Variants in FBXO34 observed in about 807,000 individuals in gnomAD.
FBXO34 encodes the protein F-box protein 34.
Under a neutral mutation model 24.5 loss-of-function variants are expected in FBXO34, and 12 were observed. The observed-to-expected ratio is 0.49, with a 90% CI of 0.31 to 0.79. The LOEUF (loss-of-function observed/expected upper bound fraction) is 0.79, where lower values mean the gene tolerates loss of function less well. Ranked by LOEUF, FBXO34 falls within the 30% of genes least tolerant of loss-of-function variation. The probability of loss-of-function intolerance (pLI) is 0.04; values close to 1 mark genes in which losing one functional copy is unlikely to be tolerated. For synonymous variants in FBXO34, 320 were observed against 311.9 expected (o/e 1.03, Z -0.27); for missense variants, 823 against 857.7 (o/e 0.96, Z 0.51).
At chr14:55,303,610 T>A (rs915100658) in intron 1 of FBXO34, among the ~76,000 whole-genome samples, 16 of 151,282 alleles carry the variant, frequency 1.1e-4, no homozygotes, top group Non-Finnish European at 8.8e-5. Flanking sequence ...TTTTTTTTTT[T>A]AATAGTTGTA....
At chr14:55,271,721 C>T (rs1452170738) in intron 1 of FBXO34, among the ~76,000 whole-genome samples, 184 bp downstream of exon 1, 23 of 151,126 alleles carry the variant, frequency 1.5e-4, no homozygotes, top group South Asian at 1.4e-3. Context: ...GCCTGCGCCT[C>T]CTCCGGTGCG....
the FBXO34 span, among the ~76,000 whole-genome samples, chr14:55,437,943 C>T: frequency 4.6e-5 from 7 of 152,084 alleles, no homozygotes; most frequent in Admixed American, 4.6e-4. Flanking sequence ...TATTTTCAGT[C>T]CAGGGAAGGC....
At chr14:55,301,446 A>AC (rs1882352771) in intron 1 of FBXO34, among the ~76,000 whole-genome samples, 2 of 152,064 alleles carry the variant, frequency 1.3e-5, no homozygotes, top group African/African-American at 4.8e-5. Flanking sequence ...CAAAAAAAAA[A>AC]AACAAGAAAA....
At chr14:55,390,737 T>A in the FBXO34 span, among the ~76,000 whole-genome samples, 2 of 152,222 alleles carry the variant, frequency 1.3e-5, no homozygotes, top group African/African-American at 2.4e-5. Flanking sequence ...ATTTAACTTT[T>A]AAAAATTCCT....
rs765335771 is a variant in FBXO34, at chr14:55,351,465, TCTC to T, written c.1078_1080del (p.Pro360del). ...TGGCCCTTCAAGAGCTGATCGTTGTTCTCCTAAGGAGGACCAGGCCTGGGACGG... is the reference window on the plus strand; with the variant it reads ...TGGCCCTTCAAGAGCTGATCGTTGTTCTAAGGAGGACCAGGCCTGGGACGG... On this transcript the variant is annotated inframe_deletion, in exon 2 of 2. Coordinates refer to ENST00000313833, the MANE Select transcript of FBXO34 (RefSeq NM_017943.4). The T allele has an allele frequency of 6.2e-7, 1 of 1,614,134 alleles. No individual in the cohort carries two copies. The highest frequency in any genetic ancestry group is 8.5e-7 in the Non-Finnish European group (1 of 1,180,024).
chr14:55,358,171 C>A (rs2140100890), downstream of FBXO34, among the ~76,000 whole-genome samples: 1 of 152,306 alleles, frequency 6.6e-6, no homozygotes, highest in East Asian at 1.9e-4. Context: ...CCCTTATTTT[C>A]TCTCCTAAGC....
intron 1 of FBXO34, among the ~76,000 whole-genome samples, chr14:55,274,056 A>G (rs1032797616): frequency 9.2e-5 from 14 of 152,110 alleles, no homozygotes; most frequent in African/African-American, 3.4e-4. Context: ...CGCCCACCTC[A>G]GCCTCCCAAA....
the FBXO34 span, among the ~76,000 whole-genome samples, chr14:55,398,747 G>A: frequency 3.3e-5 from 5 of 151,858 alleles, no homozygotes; most frequent in South Asian, 6.2e-4. Context: ...GTTGGGCAGT[G>A]TTCTATAAAT....
intron 1 of FBXO34, among the ~76,000 whole-genome samples, chr14:55,289,925 A>C (rs772443776): frequency 2.0e-5 from 3 of 152,062 alleles, no homozygotes; most frequent in Non-Finnish European, 4.4e-5. Flanking sequence ...ACCTAACAGT[A>C]GTTTTTAAAT....
chr14:55,390,405 G>C, the FBXO34 span, among the ~76,000 whole-genome samples: 1 of 149,594 alleles, frequency 6.7e-6, no homozygotes, highest in Non-Finnish European at 1.5e-5. Context: ...GACAGAGTCT[G>C]GCTCTGTGCC....
intron 1 of FBXO34, among the ~76,000 whole-genome samples, chr14:55,288,741 A>C (rs1180668571): frequency 6.6e-6 from 1 of 152,168 alleles, no homozygotes; most frequent in Non-Finnish European, 1.5e-5. Flanking sequence ...TCCAAGAGTA[A>C]ATGATGAGAA....
chr14:55,418,488 A>G, the FBXO34 span, among the ~76,000 whole-genome samples: 1 of 152,180 alleles, frequency 6.6e-6, no homozygotes, highest in African/African-American at 2.4e-5. Context: ...ATAGCATTGC[A>G]CCGCTCAAGT....
At chr14:55,328,098 A>G (rs1269021428) in intron 1 of FBXO34, among the ~76,000 whole-genome samples, 1 of 151,246 alleles carries the variant, frequency 6.6e-6, no homozygotes, top group African/African-American at 2.4e-5. Flanking sequence ...CTGGGATTAC[A>G]GGTGTGTCCC....
chr14:55,410,161 G>C, the FBXO34 span, among the ~76,000 whole-genome samples: 1 of 152,118 alleles, frequency 6.6e-6, no homozygotes, highest in Non-Finnish European at 1.5e-5. Flanking sequence ...ATTTATGATG[G>C]AAAACAAGGA....
chr14:55,399,227 T>C, the FBXO34 span, among the ~76,000 whole-genome samples: 1 of 152,194 alleles, frequency 6.6e-6, no homozygotes, highest in Non-Finnish European at 1.5e-5. Flanking sequence ...CAATATTATA[T>C]GTGACAGAAT....
At chr14:55,319,443 T>G (rs924132047) in intron 1 of FBXO34, among the ~76,000 whole-genome samples, 13 of 152,244 alleles carry the variant, frequency 8.5e-5, no homozygotes, top group African/African-American at 3.1e-4. Context: ...TTGTTCTTCT[T>G]CTTTCCATTC....
chr14:55,298,336 C>T (rs1193209281), intron 1 of FBXO34, among the ~76,000 whole-genome samples: 1 of 152,084 alleles, frequency 6.6e-6, no homozygotes, highest in African/African-American at 2.4e-5. Context: ...GTGGTTCCTC[C>T]CACTTCTCCC....
chr14:55,344,775 T>A, intron 1 of FBXO34, among the ~76,000 whole-genome samples: 1 of 149,642 alleles, frequency 6.7e-6, no homozygotes, highest in Non-Finnish European at 1.5e-5. Context: ...CCTGTATCCA[T>A]GTGTTCTCAT....
chr14:55,398,313 TTTTTTG>T, the FBXO34 span, among the ~76,000 whole-genome samples: 22 of 152,228 alleles, frequency 1.4e-4, no homozygotes, highest in South Asian at 6.2e-4. Flanking sequence ...CTTACTTGGG[TTTTTTG>T]TTTTTGTTTT....
Sources: allele counts gnomAD v4.1 joint callset (sites outside exome capture counted in the v4.1 genomes callset), GRCh38; gene constraint gnomAD v4.1.1; transcripts MANE v1.5; gene names NCBI Gene and HGNC (gene_info 2026-07-23, HGNC 2026-07-21).